The following PID1 variants were observed in gnomAD, a reference collection of about 807,000 sequenced individuals.
PID1 encodes phosphotyrosine interaction domain containing 1.
A neutral mutation model predicts 19.1 loss-of-function variants in PID1; 10 were observed. The observed-to-expected ratio is 0.52, with a 90% CI of 0.32 to 0.89. PID1 has a LOEUF of 0.89. Ranked by LOEUF, PID1 falls within the 40% of genes least tolerant of loss-of-function variation. PID1 has a pLI of 0.03. For synonymous variants in PID1, 130 were observed against 116.0 expected, an observed-to-expected ratio of 1.12 and a Z score of -0.78; for missense variants, 248 against 285.3, an observed-to-expected ratio of 0.87 and a Z score of 0.94.
chr2:229,068,444 CA>C (rs5839295), intron 2 of PID1, among the ~76,000 whole-genome samples: 151,692 of 151,782 alleles, frequency 1, 75,801 homozygotes, highest in Middle Eastern at 1. Flanking sequence ...TTGTCTTCAA[CA>C]AAAAAAAAAG....
At chr2:229,221,408 C>T (rs1691967503) in intron 1 of PID1, among the ~76,000 whole-genome samples, 2 of 152,194 alleles carry the variant, frequency 1.3e-5, no homozygotes, top group South Asian at 4.1e-4. Context: ...ATACAACAGG[C>T]TATCCAAAGC....
intron 2 of PID1, among the ~76,000 whole-genome samples, chr2:229,151,449 A>C (rs1224197050): frequency 2.6e-5 from 4 of 152,220 alleles, no homozygotes; most frequent in Admixed American, 6.5e-5. Flanking sequence ...AGTTGCCATG[A>C]GGATGAAATG....
chr2:229,270,969 C>T (rs1203951425), intron 1 of PID1, 45 bp downstream of exon 1: 1 of 1,485,726 alleles, frequency 6.7e-7, no homozygotes, highest in Non-Finnish European at 8.9e-7. Context: ...TCTGCCCGGG[C>T]ACCTCCTCCT....
At chr2:229,183,224 G>A (rs1359769885) in intron 1 of PID1, among the ~76,000 whole-genome samples, 2 of 152,196 alleles carry the variant, frequency 1.3e-5, no homozygotes, top group Non-Finnish European at 2.9e-5. Flanking sequence ...TATTATGCAA[G>A]CCAAGTTTTC....
At chr2:229,076,139 G>A (rs1694553166) in intron 2 of PID1, among the ~76,000 whole-genome samples, 2 of 152,124 alleles carry the variant, frequency 1.3e-5, no homozygotes, top group South Asian at 2.1e-4. Flanking sequence ...AAGTTTCCTT[G>A]CGTAGGGCCC....
intron 1 of PID1, among the ~76,000 whole-genome samples, chr2:229,189,265 T>G (rs1366494140): frequency 3.9e-5 from 6 of 152,120 alleles, no homozygotes; most frequent in African/African-American, 1.4e-4. Context: ...TCACGCAGAA[T>G]CAATTTACAC....
At chr2:229,100,950 C>G (rs1431458106) in intron 2 of PID1, among the ~76,000 whole-genome samples, 2 of 152,220 alleles carry the variant, frequency 1.3e-5, no homozygotes, top group Non-Finnish European at 2.9e-5. Flanking sequence ...ACTATCCACA[C>G]TTCTCAGCAA....
intron 2 of PID1, among the ~76,000 whole-genome samples, chr2:229,109,956 G>A (rs1469587432): frequency 6.6e-6 from 1 of 152,076 alleles, no homozygotes; most frequent in East Asian, 1.9e-4. Context: ...ATATTAAAGA[G>A]GACTCCAATT....
intron 1 of PID1, among the ~76,000 whole-genome samples, chr2:229,250,060 G>A (rs765633247): frequency 3.3e-5 from 5 of 152,176 alleles, no homozygotes; most frequent in African/African-American, 4.8e-5. Flanking sequence ...ACTAACTACA[G>A]AAAGTGAAGG....
rs12328662 is a variant in PID1, at chr2:229,046,334, C to T, written c.178-20226G>A. On this transcript the variant is annotated intron_variant, in intron 2 of 2. Transcript: ENST00000392055. Reference sequence around the variant, plus strand: ...TGGTAAATGCTGAAACTTCAGCATCCCTAAATTAGGAAAGTGTGTGTGTGT... The same window carrying T: ...TGGTAAATGCTGAAACTTCAGCATCTCTAAATTAGGAAAGTGTGTGTGTGT... Among the ~76,000 whole-genome samples the T allele has an allele frequency of 3.3e-3, 498 of 148,742 alleles. 4 individuals are homozygous for T. The highest frequency in any genetic ancestry group is 0.012 in the African/African-American group (469 of 39,888).
rs142029727 is a variant in PID1 at position 229,081,339 on chromosome 2, T to C, written c.178-55231A>G. Among the ~76,000 whole-genome samples, 806 of 152,306 alleles carry C rather than the reference T, an allele frequency of 5.3e-3. 8 individuals carry two copies. Among genetic ancestry groups the C allele is most frequent in the African/African-American group, 0.018 (746 of 41,562 alleles). On this transcript the variant is annotated intron_variant, in intron 2 of 2. Transcript: ENST00000392055. Reference sequence around the variant, plus strand: ...TTGGACTCTTGCAGGGAAGACCAAATATCTAAAGACATAATGATAATGCAA... The same window carrying C: ...TTGGACTCTTGCAGGGAAGACCAAACATCTAAAGACATAATGATAATGCAA...
intron 2 of PID1, among the ~76,000 whole-genome samples, chr2:229,067,074 C>T (rs193066873): frequency 5.3e-4 from 80 of 152,158 alleles, no homozygotes; most frequent in Non-Finnish European, 9.0e-4. Context: ...ACAATCATGG[C>T]AGAAGGGGAA....
At chr2:229,219,462 T>C (rs951360903) in intron 1 of PID1, among the ~76,000 whole-genome samples, 3 of 152,186 alleles carry the variant, frequency 2.0e-5, no homozygotes. Flanking sequence ...CCCCCATGAT[T>C]CAATCACCTC....
At chr2:229,069,848 T>TA (rs1212325902) in intron 2 of PID1, among the ~76,000 whole-genome samples, 1 of 152,204 alleles carries the variant, frequency 6.6e-6, no homozygotes, top group Non-Finnish European at 1.5e-5. Flanking sequence ...TGTACTTTCT[T>TA]AAAAATCCTC....
At chr2:229,210,881 G>A (rs544770905) in intron 1 of PID1, among the ~76,000 whole-genome samples, 24 of 152,208 alleles carry the variant, frequency 1.6e-4, no homozygotes, top group African/African-American at 5.3e-4. Flanking sequence ...AGTCAAGGAC[G>A]GTTAATCACT....
chr2:229,106,621 T>C (rs906142942), intron 2 of PID1, among the ~76,000 whole-genome samples: 1 of 152,194 alleles, frequency 6.6e-6, no homozygotes, highest in Admixed American at 6.5e-5. Flanking sequence ...TGAGGACACA[T>C]AGAAGGCGCC....
intron 2 of PID1, among the ~76,000 whole-genome samples, chr2:229,087,502 C>T (rs1379147368): frequency 1.3e-5 from 2 of 152,150 alleles, no homozygotes; most frequent in Non-Finnish European, 2.9e-5. Context: ...TTTCCTGATC[C>T]CAGTACAGGC....
At chr2:229,173,017 A>T in intron 1 of PID1, among the ~76,000 whole-genome samples, 1 of 152,122 alleles carries the variant, frequency 6.6e-6, no homozygotes, top group East Asian at 1.9e-4. Flanking sequence ...ACAGGCGTGA[A>T]CCACTGGCCT....
chr2:229,236,056 TG>T (rs1333288627), intron 1 of PID1, among the ~76,000 whole-genome samples: 1 of 152,122 alleles, frequency 6.6e-6, no homozygotes, highest in African/African-American at 2.4e-5. Flanking sequence ...TTCCCTGAGA[TG>T]TGAGGCAGCA....
Sources: allele counts gnomAD v4.1 joint callset (sites outside exome capture counted in the v4.1 genomes callset), GRCh38; gene constraint gnomAD v4.1.1; transcripts MANE v1.5; gene names NCBI Gene and HGNC (gene_info 2026-07-23, HGNC 2026-07-21).